RIMS1: variants seen among roughly 807,000 people sequenced by gnomAD.
RIMS1 encodes regulating synaptic membrane exocytosis protein 1.
Under a neutral mutation model 214.1 loss-of-function variants are expected in RIMS1, and 83 were observed. That is an observed-to-expected ratio of 0.39 (90% CI 0.32 to 0.47). The LOEUF is 0.47. RIMS1 is among the 20% of genes least tolerant of loss of function. RIMS1 has a pLI of 0.99. For missense variants in RIMS1, 2,050 were observed against 2,161.8 expected (o/e 0.95, Z 1.03); for synonymous variants, 793 against 786.8 (o/e 1.01, Z -0.13).
At chr6:72,168,718 AG>A (rs1263261195) in intron 4 of RIMS1, among the ~76,000 whole-genome samples, 3 of 107,750 alleles carry the variant, frequency 2.8e-5, no homozygotes, top group African/African-American at 3.5e-5. Flanking sequence ...CACTAGTTTC[AG>A]GGTTTTTTTT....
At chr6:72,198,152 C>T (rs977597213) in intron 6 of RIMS1, among the ~76,000 whole-genome samples, 1 of 152,060 alleles carries the variant, frequency 6.6e-6, no homozygotes, top group Non-Finnish European at 1.5e-5. Context: ...TACCTGCGCT[C>T]ACATGTTTAT....
intron 2 of RIMS1, among the ~76,000 whole-genome samples, chr6:72,067,196 CA>C (rs1829528976): frequency 6.6e-6 from 1 of 152,190 alleles, no homozygotes; most frequent in Non-Finnish European, 1.5e-5. Context: ...TAAAATACTA[CA>C]GTCAGGTCTC....
intron 1 of RIMS1, among the ~76,000 whole-genome samples, chr6:71,892,154 G>A (rs559844052): frequency 6.6e-6 from 1 of 152,184 alleles, no homozygotes; most frequent in African/African-American, 2.4e-5. Context: ...AACCATTATT[G>A]TTCTTTTAAG....
intron 4 of RIMS1, among the ~76,000 whole-genome samples, chr6:72,124,948 T>G (rs2039198258): frequency 6.6e-6 from 1 of 152,196 alleles, no homozygotes; most frequent in African/African-American, 2.4e-5. Flanking sequence ...CGAAGAAGTT[T>G]GTTATTGTCG....
At chr6:72,213,541 A>T (rs552245243) in intron 6 of RIMS1, among the ~76,000 whole-genome samples, 27 of 151,376 alleles carry the variant, frequency 1.8e-4, no homozygotes, top group African/African-American at 5.6e-4. Context: ...GAAAATAATT[A>T]AAAAAAAATA....
At chr6:72,337,628 T>G (rs1169376436) in intron 29 of RIMS1, among the ~76,000 whole-genome samples, 1 of 151,756 alleles carries the variant, frequency 6.6e-6, no homozygotes, top group Non-Finnish European at 1.5e-5. Context: ...TTAGGGTACA[T>G]GTGCACAATG....
chr6:72,110,687 C>G (rs1404997087), intron 4 of RIMS1, among the ~76,000 whole-genome samples: 1 of 151,276 alleles, frequency 6.6e-6, no homozygotes, highest in Admixed American at 6.6e-5. Flanking sequence ...AATTGAATAC[C>G]CTTTATTTCC....
chr6:72,182,571 A>C lies in RIMS1; in HGVS notation c.1100A>C (p.Lys367Thr), dbSNP rs2153970308. ...SDPNLARYPVKPPPEEQQMRM... is the reference protein window; with the variant it reads ...SDPNLARYPVTPPPEEQQMRM... Reference sequence around the variant, plus strand: ...CCGAACCTAGCTCGGTACCCGGTGAAACCGCCGCCTGAGGAGCAGCAGATG... The same window carrying C: ...CCGAACCTAGCTCGGTACCCGGTGACACCGCCGCCTGAGGAGCAGCAGATG... The change falls in exon 6 of 34, where the codon AAA (lysine) becomes ACA (threonine). Residue 367 changes from lysine (K) to threonine (T), a missense_variant. Around this residue, in one of 6 missense-constraint regions of RIMS1, gnomAD observed 882 missense variants for 828.9 expected, o/e 1.06. Coordinates refer to ENST00000521978, the MANE Select transcript of RIMS1 (RefSeq NM_014989.7). 2 of 1,549,992 alleles carry C rather than the reference A, an allele frequency of 1.3e-6. No homozygotes were observed. The highest frequency in any genetic ancestry group is 1.2e-5 in the South Asian group (1 of 84,074).
chr6:72,364,641 A>G (rs1042588914), intron 29 of RIMS1, among the ~76,000 whole-genome samples: 2 of 152,178 alleles, frequency 1.3e-5, no homozygotes, highest in African/African-American at 4.8e-5. Flanking sequence ...ACCCTGAAAC[A>G]AAGATTTGAG....
At chr6:72,093,210 G>A (rs1836765314) in intron 2 of RIMS1, among the ~76,000 whole-genome samples, 1 of 56,544 alleles carries the variant, frequency 1.8e-5, no homozygotes, top group South Asian at 7.8e-4. Context: ...ATGTATGTGA[G>A]TATATATATA....
At chr6:71,911,328 A>C (rs1364469440) in intron 1 of RIMS1, among the ~76,000 whole-genome samples, 1 of 152,156 alleles carries the variant, frequency 6.6e-6, no homozygotes, top group Non-Finnish European at 1.5e-5. Context: ...CCTTGGGTAG[A>C]AGATCTTTAG....
chr6:72,178,749 T>A (rs1163408984), intron 4 of RIMS1, among the ~76,000 whole-genome samples: 2 of 152,226 alleles, frequency 1.3e-5, no homozygotes, highest in African/African-American at 2.4e-5. Context: ...TTTTTTATTA[T>A]GATAATCGTC....
At chr6:72,212,419 G>A (rs1486278615) in intron 6 of RIMS1, among the ~76,000 whole-genome samples, 1 of 151,852 alleles carries the variant, frequency 6.6e-6, no homozygotes, top group Non-Finnish European at 1.5e-5. Context: ...GTAATAAGAG[G>A]TAAGTACTAT....
chr6:72,267,396 A>G (rs2081085522), intron 22 of RIMS1, among the ~76,000 whole-genome samples: 1 of 152,168 alleles, frequency 6.6e-6, no homozygotes, highest in Non-Finnish European at 1.5e-5. Context: ...AATATTACCC[A>G]TATCAGTGCC....
intron 2 of RIMS1, among the ~76,000 whole-genome samples, chr6:72,084,014 T>C (rs1834045897): frequency 6.6e-6 from 1 of 152,178 alleles, no homozygotes; most frequent in East Asian, 1.9e-4. Context: ...GTGAAGATAG[T>C]CAACAACAGA....
chr6:72,162,797 C>G (rs552407389), intron 4 of RIMS1, among the ~76,000 whole-genome samples: 3 of 140,332 alleles, frequency 2.1e-5, no homozygotes, highest in African/African-American at 7.4e-5. Context: ...GTAACCTGAC[C>G]TTTCTCTCTG....
chr6:71,976,548 T>G (rs558527091), intron 2 of RIMS1, among the ~76,000 whole-genome samples: 2 of 152,104 alleles, frequency 1.3e-5, no homozygotes, highest in Non-Finnish European at 2.9e-5. Context: ...GTGAATAGTC[T>G]TTTCATTTTC....
At chr6:72,175,968 AG>A (rs1406405574) in intron 4 of RIMS1, among the ~76,000 whole-genome samples, 17 of 152,322 alleles carry the variant, frequency 1.1e-4, no homozygotes, top group African/African-American at 3.8e-4. Context: ...TAAGAGGAAA[AG>A]ACAATTAAAA....
intron 4 of RIMS1, among the ~76,000 whole-genome samples, chr6:72,163,096 A>T (rs1369062369): frequency 7.3e-6 from 1 of 136,582 alleles, no homozygotes; most frequent in East Asian, 2.1e-4. Flanking sequence ...TCTTTTTATT[A>T]TTTTTTTCTC....
Sources: allele counts gnomAD v4.1 joint callset (sites outside exome capture counted in the v4.1 genomes callset), GRCh38; gene constraint gnomAD v4.1.1; regional missense constraint gnomAD v4.1.1; transcripts MANE v1.5; gene names NCBI Gene and HGNC (gene_info 2026-07-23, HGNC 2026-07-21).